Variants in ALG12 observed in about 807,000 individuals in gnomAD.
The protein encoded by ALG12 is ALG12 alpha-1,6-mannosyltransferase, also known as dol-P-Man:Man(7)GlcNAc(2)-PP-Dol alpha-1,6-mannosyltransferase.
In ALG12, 36 loss-of-function variants were observed where a neutral mutation model predicts 46.0. That is an observed-to-expected ratio of 0.78 (90% CI 0.60 to 1.03). ALG12 has a LOEUF of 1.03. ALG12 is among the 50% of genes least tolerant of loss of function. The pLI is 0.00. For synonymous variants in ALG12, 326 were observed against 291.6 expected (o/e 1.12, Z -1.20); for missense variants, 599 against 633.5 (o/e 0.95, Z 0.58).
chr22:49,898,293 C>G (rs1434160097), downstream of ALG12, among the ~76,000 whole-genome samples: 2 of 152,198 alleles, frequency 1.3e-5, no homozygotes, highest in Non-Finnish European at 1.5e-5. Context: ...CAGGCGTGAG[C>G]CACCACACCT....
At chr22:49,897,205 CCA>C (rs199729713), downstream of ALG12, among the ~76,000 whole-genome samples, 536 of 150,086 alleles carry the variant, frequency 3.6e-3, 6 homozygotes, top group African/African-American at 0.012. Flanking sequence ...AACAGACATG[CCA>C]CAGTTTATCC....
the ALG12 span, among the ~76,000 whole-genome samples, chr22:49,867,727 A>G: frequency 6.8e-6 from 1 of 147,524 alleles, no homozygotes; most frequent in Admixed American, 6.6e-5. Context: ...ATCTAATACC[A>G]TCTAGGCCTT....
chr22:49,892,433 C>G, the ALG12 span, among the ~76,000 whole-genome samples: 1 of 152,190 alleles, frequency 6.6e-6, no homozygotes, highest in Non-Finnish European at 1.5e-5. Flanking sequence ...GTCATGTTGG[C>G]CAGGATGCCA....
At chr22:49,907,978 C>G (rs756568022) in intron 6 of ALG12, 34 bp from the exon 7 acceptor site, 1 of 1,602,450 alleles carries the variant, frequency 6.2e-7, no homozygotes, top group Admixed American at 1.7e-5. Flanking sequence ...ACGCACCTGT[C>G]CACGCATGAG....
chr22:49,869,245 T>C, the ALG12 span, among the ~76,000 whole-genome samples: 1 of 152,068 alleles, frequency 6.6e-6, no homozygotes, highest in Non-Finnish European at 1.5e-5. Flanking sequence ...CGTACACACA[T>C]GCATGTTGGT....
intron 5 of ALG12, 89 bp downstream of exon 5, chr22:49,909,805 G>T: frequency 6.5e-7 from 1 of 1,529,930 alleles, no homozygotes; most frequent in Non-Finnish European, 9.0e-7. Flanking sequence ...TTATTTCATG[G>T]GGATGAAAAC....
At chr22:49,884,874 A>C in the ALG12 span, 1 of 1,606,438 alleles carries the variant, frequency 6.2e-7, no homozygotes, top group Non-Finnish European at 8.5e-7. Flanking sequence ...TGAACCCTGG[A>C]GATGGGCTGA....
the ALG12 span, chr22:49,883,909 T>C: frequency 6.2e-7 from 1 of 1,608,288 alleles, no homozygotes. Flanking sequence ...TGAGGATGAC[T>C]ATGGCGCGCT....
At chr22:49,910,798 A>G (rs1485735315) in intron 3 of ALG12, among the ~76,000 whole-genome samples, 191 bp from the exon 4 acceptor site, 1 of 152,250 alleles carries the variant, frequency 6.6e-6, no homozygotes, top group Non-Finnish European at 1.5e-5. Context: ...GACTGGACCC[A>G]GGCCCCCTGC....
Position 49,913,834 on chromosome 22 carries a change from T to C in ALG12, c.-69A>G. On this transcript the variant is annotated 5_prime_UTR_variant, in exon 2 of 10. Coordinates refer to ENST00000330817, the MANE Select transcript of ALG12 (RefSeq NM_024105.4). Reference sequence around the variant, plus strand: ...AGACACCAGCCGTTAGCACTGCCACTCCACGCATGCTGGAAAAGTGGAAAC... The same window carrying C: ...AGACACCAGCCGTTAGCACTGCCACCCCACGCATGCTGGAAAAGTGGAAAC... The C allele has an allele frequency of 6.3e-7, 1 of 1,591,936 alleles. No homozygotes were observed. Among genetic ancestry groups the C allele is most frequent in the Non-Finnish European group, 8.6e-7 (1 of 1,166,198 alleles).
the ALG12 span, among the ~76,000 whole-genome samples, chr22:49,862,278 T>C: frequency 6.6e-6 from 1 of 152,198 alleles, no homozygotes; most frequent in Non-Finnish European, 1.5e-5. Context: ...TTCTCTGTCT[T>C]TCTTATTTTT....
chr22:49,916,744 G>A (rs2060612069), intron 1 of ALG12, among the ~76,000 whole-genome samples: 1 of 152,212 alleles, frequency 6.6e-6, no homozygotes, highest in Non-Finnish European at 1.5e-5. Flanking sequence ...TTGAGGCCCG[G>A]AGTTCAAGAC....
chr22:49,860,757 C>A, the ALG12 span, among the ~76,000 whole-genome samples: 2 of 151,646 alleles, frequency 1.3e-5, no homozygotes, highest in Non-Finnish European at 2.9e-5. Flanking sequence ...CCTTTCTTAT[C>A]CCCACCACTC....
intron 7 of ALG12, 34 bp downstream of exon 7, chr22:49,907,687 C>T: frequency 1.3e-6 from 2 of 1,599,964 alleles, no homozygotes; most frequent in South Asian, 2.2e-5. Flanking sequence ...TCCAATGAAA[C>T]TATAAAAATG....
rs936299098 is a variant in ALG12 at position 49,900,495 on chromosome 22, T to C, written c.*3343A>G. 6.6e-6 allele frequency: 1 copy of C among 152,196 alleles called. No individual in the cohort carries two copies. Among genetic ancestry groups the C allele is most frequent in the African/African-American group, 2.4e-5 (1 of 41,410 alleles). The allele number at this position is 152,196 out of a possible 1,614,324, so 9.4% of individuals were successfully genotyped here. On this transcript the variant is annotated 3_prime_UTR_variant, in exon 10 of 10. Coordinates refer to ENST00000330817, the MANE Select transcript of ALG12 (RefSeq NM_024105.4). ...ATTTCCAACGAAGGCACCACTACAC[T>C]GACGGTGGAGAAGCCGACCCAAGGA...
At chr22:49,889,738 C>T in the ALG12 span, 34 of 167,302 alleles carry the variant, frequency 2.0e-4, no homozygotes, top group Non-Finnish European at 2.6e-4. Context: ...GGAAGATGGA[C>T]AAGAGGCCCA....
chr22:49,892,496 G>A, the ALG12 span, among the ~76,000 whole-genome samples: 2 of 152,372 alleles, frequency 1.3e-5, no homozygotes, highest in African/African-American at 4.8e-5. Context: ...CCTGCAGCAG[G>A]TGCCTATTCC....
the ALG12 span, among the ~76,000 whole-genome samples, chr22:49,869,913 G>A: frequency 6.6e-6 from 1 of 152,190 alleles, no homozygotes; most frequent in Non-Finnish European, 1.5e-5. Context: ...TCGTCGCCCA[G>A]ATCGTGAGCA....
At chr22:49,886,822 C>G in the ALG12 span, 1 of 1,613,672 alleles carries the variant, frequency 6.2e-7, no homozygotes, top group South Asian at 1.1e-5. The surrounding 1 kb of genome is among the most constrained non-coding windows in gnomAD (Gnocchi z 7.7). Flanking sequence ...TGCTGGCTCC[C>G]CGTCGAAAGA....
Sources: gnomAD v4.1 joint callset for allele counts (sites outside exome capture counted in the v4.1 genomes callset) on GRCh38, gnomAD v4.1.1 for gene constraint, Gnocchi (gnomAD v3.1) non-coding constraint, MANE v1.5 for transcripts, NCBI Gene and HGNC (gene_info 2026-07-23, HGNC 2026-07-21) for gene names.